The following DAB1 variants were observed in gnomAD, a reference collection of about 807,000 sequenced individuals.
The protein encoded by DAB1 is disabled homolog 1.
DAB1 carries 15 observed loss-of-function variants against 64.6 expected under a neutral mutation model. The observed-to-expected ratio is 0.23, with a 90% confidence interval of 0.16 to 0.36. The LOEUF is 0.36. Among genes scored for constraint, DAB1 ranks in the 10% least tolerant of loss-of-function variants. The probability of loss-of-function intolerance (pLI) is 1.00; values close to 1 mark genes in which losing one functional copy is unlikely to be tolerated. For synonymous variants in DAB1, 235 were observed against 251.9 expected (o/e 0.93, Z 0.64); for missense variants, 596 against 706.7 (o/e 0.84, Z 1.78).
chr1:57,195,926 CAAAT>C (rs1409054507), intron 2 of DAB1, among the ~76,000 whole-genome samples: 1 of 151,808 alleles, frequency 6.6e-6, no homozygotes, highest in Non-Finnish European at 1.5e-5. Context: ...TATGCAAACT[CAAAT>C]AAGCCAGAGA....
intron 2 of DAB1, among the ~76,000 whole-genome samples, chr1:57,281,587 A>G (rs545548882): frequency 5.8e-4 from 89 of 152,292 alleles, no homozygotes; most frequent in Non-Finnish European, 1.2e-3. Context: ...CTCTGATGCC[A>G]TGATAAGCAG....
intron 6 of DAB1, among the ~76,000 whole-genome samples, chr1:57,665,543 T>G (rs1047388680): frequency 6.6e-6 from 1 of 152,132 alleles, no homozygotes; most frequent in Non-Finnish European, 1.5e-5. Flanking sequence ...GAATCCATAT[T>G]GTGAACAAAA....
At chr1:57,790,111 C>T (rs535561622) in intron 6 of DAB1, among the ~76,000 whole-genome samples, 1 of 152,268 alleles carries the variant, frequency 6.6e-6, no homozygotes, top group Admixed American at 6.5e-5. Context: ...GTAGTTGCCC[C>T]TCCTGCTCTG....
At chr1:57,449,328 G>T (rs1263622846) in intron 7 of DAB1, among the ~76,000 whole-genome samples, 1 of 150,840 alleles carries the variant, frequency 6.6e-6, no homozygotes, top group Non-Finnish European at 1.5e-5. Context: ...GAACCATATT[G>T]TCACCACATC....
intron 4 of DAB1, among the ~76,000 whole-genome samples, chr1:58,304,853 T>C (rs1305696703): frequency 2.0e-5 from 3 of 152,196 alleles, no homozygotes; most frequent in Non-Finnish European, 4.4e-5. Context: ...CATTTCTGTA[T>C]TCCCTTCCAC....
At chr1:57,198,838 A>G (rs1366386581) in intron 2 of DAB1, among the ~76,000 whole-genome samples, 1 of 152,182 alleles carries the variant, frequency 6.6e-6, no homozygotes, top group African/African-American at 2.4e-5. Flanking sequence ...GAGGTGAAAA[A>G]GCATAGCACA....
intron 2 of DAB1, among the ~76,000 whole-genome samples, chr1:57,149,190 G>T (rs1205496853): frequency 6.6e-6 from 1 of 151,800 alleles, no homozygotes; most frequent in Non-Finnish European, 1.5e-5. Flanking sequence ...TGCTTTTTTT[G>T]CTGAATATTA....
chr1:57,936,870 T>C (rs2102045298), intron 5 of DAB1, among the ~76,000 whole-genome samples: 1 of 152,108 alleles, frequency 6.6e-6, no homozygotes, highest in East Asian at 1.9e-4. Flanking sequence ...GCCATCCAAT[T>C]TCATCTGACA....
intron 3 of DAB1, among the ~76,000 whole-genome samples, chr1:58,347,771 T>C (rs904780761): frequency 2.0e-5 from 3 of 151,528 alleles, no homozygotes; most frequent in Non-Finnish European, 2.9e-5. Context: ...CAGCAGGCAG[T>C]AGAAAGAGAC....
At chr1:58,365,115 A>G (rs1306836583) in intron 3 of DAB1, among the ~76,000 whole-genome samples, 1 of 152,220 alleles carries the variant, frequency 6.6e-6, no homozygotes, top group East Asian at 1.9e-4. Context: ...CAATCAGTAC[A>G]TTAACCTCCT....
chr1:57,627,048 T>C (rs1645930982), intron 7 of DAB1, among the ~76,000 whole-genome samples: 1 of 152,092 alleles, frequency 6.6e-6, no homozygotes, highest in Non-Finnish European at 1.5e-5. Flanking sequence ...TTTAATAAAG[T>C]AGAAATTGTC....
chr1:57,420,468 G>A (rs1684811798), intron 1 of DAB1, among the ~76,000 whole-genome samples: 1 of 152,210 alleles, frequency 6.6e-6, no homozygotes, highest in Admixed American at 6.5e-5. Flanking sequence ...AAGTTAATAT[G>A]TGTAAAGTGC....
upstream of DAB1, among the ~76,000 whole-genome samples, chr1:57,426,751 C>T (rs1685299899): frequency 6.6e-6 from 1 of 152,066 alleles, no homozygotes; most frequent in Non-Finnish European, 1.5e-5. Context: ...ATTTAATGAG[C>T]TTCATTCATC....
rs1423694371 is a variant in DAB1 at position 58,493,944 on chromosome 1, G to C, written n.257+12116C>G. ...TTAAAGTTCATATGGTACCAAAAAA[G>C]AGCCCTCATTGCCAAGTCAATCCTA... On this transcript the variant is annotated intron_variant and non_coding_transcript_variant, in intron 3 of 20. Transcript: ENST00000485760. Among the ~76,000 whole-genome samples, 3 of 146,196 alleles carry C rather than the reference G, an allele frequency of 2.1e-5. No homozygotes were observed. The East Asian group carries it at 5.8e-4, about 28-fold the overall frequency.
rs1255424274 is a variant in DAB1, at chr1:57,432,442, A to G, written n.626-141276T>C. Among the ~76,000 whole-genome samples the G allele has an allele frequency of 2.6e-5, 4 of 152,188 alleles. No individual in the cohort carries two copies. The East Asian group carries it at 7.7e-4, about 29-fold the overall frequency. On this transcript the variant is annotated intron_variant and non_coding_transcript_variant, in intron 7 of 20. Coordinates refer to the DAB1 transcript ENST00000485760. ...AGAATTTAGAGATGGTTAGATGGGT[A>G]AACTGTGTATCAAAAGATGGACCAA...
At chr1:57,200,199 G>T (rs191416190) in intron 2 of DAB1, among the ~76,000 whole-genome samples, 6 of 152,286 alleles carry the variant, frequency 3.9e-5, no homozygotes, top group African/African-American at 1.4e-4. Flanking sequence ...TCAGAGATAT[G>T]GTTCTGTTTC....
intron 6 of DAB1, among the ~76,000 whole-genome samples, chr1:57,653,463 A>T (rs1216333347): frequency 6.6e-6 from 1 of 152,174 alleles, no homozygotes; most frequent in Non-Finnish European, 1.5e-5. Flanking sequence ...TAGCCTAATG[A>T]TCCATATTTG....
intron 3 of DAB1, among the ~76,000 whole-genome samples, chr1:58,458,608 A>G (rs1338280874): frequency 6.6e-6 from 1 of 152,220 alleles, no homozygotes; most frequent in Non-Finnish European, 1.5e-5. Context: ...GTTCGAGACC[A>G]GCCTGGCCAA....
intron 7 of DAB1, among the ~76,000 whole-genome samples, chr1:57,430,044 G>A (rs1217354665): frequency 6.6e-6 from 1 of 151,812 alleles, no homozygotes; most frequent in African/African-American, 2.4e-5. Flanking sequence ...CATTTTATAG[G>A]GATTATATTG....
Sources: allele counts gnomAD v4.1 joint callset (sites outside exome capture counted in the v4.1 genomes callset), GRCh38; gene constraint gnomAD v4.1.1; transcripts MANE v1.5; gene names NCBI Gene and HGNC (gene_info 2026-07-23, HGNC 2026-07-21).